The following ZNF385D variants were observed in gnomAD, a reference collection of about 807,000 sequenced individuals.
ZNF385D encodes zinc finger protein 385D, also known as zinc finger protein 659.
ZNF385D carries 15 observed loss-of-function variants against 35.8 expected under a neutral mutation model. The ratio of observed to expected loss-of-function variants is 0.42; its 90% CI spans 0.28 to 0.64. The LOEUF (loss-of-function observed/expected upper bound fraction) is 0.64. ZNF385D is among the 30% of genes least tolerant of loss of function. The probability of loss-of-function intolerance (pLI) is 0.23; values close to 1 mark genes in which losing one functional copy is unlikely to be tolerated. For missense variants in ZNF385D, 474 were observed against 494.6 expected (o/e 0.96, Z 0.39); for synonymous variants, 212 against 186.8 (o/e 1.13, Z -1.10).
intron 3 of ZNF385D, among the ~76,000 whole-genome samples, chr3:21,872,493 T>A (rs952973034): frequency 6.6e-6 from 1 of 152,184 alleles, no homozygotes; most frequent in Non-Finnish European, 1.5e-5. Flanking sequence ...GTTGGTCTTA[T>A]GTAATAACAA....
At chr3:22,080,282 G>T (rs567916227) in intron 3 of ZNF385D, among the ~76,000 whole-genome samples, 2 of 152,194 alleles carry the variant, frequency 1.3e-5, no homozygotes, top group South Asian at 2.1e-4. Flanking sequence ...TAATGATCTT[G>T]TGTCAGTCAC....
intron 2 of ZNF385D, among the ~76,000 whole-genome samples, chr3:21,638,873 C>T (rs1160713080): frequency 6.6e-6 from 1 of 152,044 alleles, no homozygotes; most frequent in African/African-American, 2.4e-5. Context: ...CATGTGAACC[C>T]TTTATCTAGA....
Position 21,722,077 on chromosome 3 carries a change from GAGACAGAGTGAGACTCTGTCTCA to G in ZNF385D, c.22+28795_22+28817del, listed in dbSNP as rs2068564517. ...ATCGTGCCACTGCACTCCAACTTTG[GAGACAGAGTGAGACTCTGTCTCA>G]AAAAAAAAAAAAAAAAAGAGGTATT... On this transcript the variant is annotated intron_variant, in intron 1 of 7. Transcript: ENST00000281523. Among the ~76,000 whole-genome samples the G allele has an allele frequency of 4.9e-5, 7 of 142,738 alleles. No homozygotes were observed. The Admixed American group carries it at 5.0e-4, about 10-fold the overall frequency. 93.6% of individuals were successfully genotyped at this position (142,738 alleles called of 152,430 possible). A position where few individuals can be genotyped will look rare whatever the true frequency, so the allele number is the denominator to read the frequency against.
At position 21,427,399 on chromosome 3, in the gene ZNF385D, A is replaced by G. The variant is rs182952301; in HGVS notation, c.674-1729T>C. ...ACTCTCATCCTGATTTTCTTGAGGC[A>G]TTCCAAATTCACTTTTGGTTAATAT... is the stretch of plus-strand genomic sequence containing the variant. On this transcript the variant is annotated intron_variant, in intron 5 of 7. Transcript: ENST00000281523. 7.5e-4 allele frequency among the ~76,000 whole-genome samples: 114 copies of G among 152,314 alleles called. 2 individuals are homozygous for G. The highest frequency in any genetic ancestry group is 2.5e-3 in the African/African-American group (104 of 41,576).
intron 2 of ZNF385D, among the ~76,000 whole-genome samples, chr3:21,627,243 T>C (rs2065158568): frequency 9.3e-6 from 1 of 107,702 alleles, no homozygotes; most frequent in African/African-American, 3.9e-5. Context: ...CAAAGAGGTG[T>C]AGGGTGTGTG....
At chr3:22,299,414 G>A (rs904389472) in intron 2 of ZNF385D, among the ~76,000 whole-genome samples, 6 of 151,532 alleles carry the variant, frequency 4.0e-5, no homozygotes, top group South Asian at 2.1e-4. Flanking sequence ...TATACTACAC[G>A]GGGGGAATGG....
intron 2 of ZNF385D, among the ~76,000 whole-genome samples, chr3:22,261,596 T>C (rs897753741): frequency 1.3e-5 from 2 of 151,986 alleles, no homozygotes; most frequent in African/African-American, 4.8e-5. Flanking sequence ...TATGGTCTTC[T>C]TCCAAAGCCT....
At position 22,282,219 on chromosome 3, in the gene ZNF385D, T is replaced by C. The variant is rs148464846; in HGVS notation, c.106+90231A>G. ...AGCTTTTTGTTTCATTTATCTGTTGTACTGTTTTAATTTCATTTAGTTCTG... is the reference window on the plus strand; with the variant it reads ...AGCTTTTTGTTTCATTTATCTGTTGCACTGTTTTAATTTCATTTAGTTCTG... On this transcript the variant is annotated intron_variant, in intron 2 of 5. Coordinates refer to the ZNF385D transcript ENST00000494108. Among the ~76,000 whole-genome samples the C allele has an allele frequency of 1.3e-3, 201 of 152,134 alleles. 1 individual carries two copies. The highest frequency in any genetic ancestry group is 4.4e-3 in the African/African-American group (182 of 41,556).
At chr3:21,692,808 A>G (rs1490578341) in intron 1 of ZNF385D, among the ~76,000 whole-genome samples, 1 of 152,196 alleles carries the variant, frequency 6.6e-6, no homozygotes, top group African/African-American at 2.4e-5. Flanking sequence ...TTTTCAGGCC[A>G]TCACAATTCC....
chr3:21,670,455 G>C (rs1158996106), intron 1 of ZNF385D, among the ~76,000 whole-genome samples: 1 of 151,636 alleles, frequency 6.6e-6, no homozygotes, highest in Non-Finnish European at 1.5e-5. Flanking sequence ...GACATACATG[G>C]AGAATTATTC....
At chr3:22,161,392 A>G (rs1345977607) in intron 3 of ZNF385D, among the ~76,000 whole-genome samples, 1 of 152,040 alleles carries the variant, frequency 6.6e-6, no homozygotes, top group Non-Finnish European at 1.5e-5. Flanking sequence ...ATATTAAACC[A>G]TTTTATAACA....
At chr3:22,114,886 C>G (rs7616867) in intron 3 of ZNF385D, among the ~76,000 whole-genome samples, 2,200 of 152,156 alleles carry the variant, frequency 0.014, 62 homozygotes, top group African/African-American at 0.05. Context: ...TACAGGGCAT[C>G]TGGCAGCCCT....
At position 22,327,058 on chromosome 3, in the gene ZNF385D, A is replaced by T. The variant is rs114743275; in HGVS notation, c.106+45392T>A. Among the ~76,000 whole-genome samples, 301 of 152,322 alleles carry T rather than the reference A, an allele frequency of 2.0e-3. 1 individual carries two copies. Among genetic ancestry groups the T allele is most frequent in the African/African-American group, 7.0e-3 (290 of 41,562 alleles). The stretch of plus-strand genomic sequence containing the variant: ...AAAGTGAAACCCAAATGACTTTGAA[A>T]TCTATTAAGTACCTTAAAAAAATGA... On this transcript the variant is annotated intron_variant, in intron 2 of 5. Transcript: ENST00000494108.
At chr3:21,989,546 A>G (rs913123344) in intron 3 of ZNF385D, among the ~76,000 whole-genome samples, 1 of 152,222 alleles carries the variant, frequency 6.6e-6, no homozygotes, top group Non-Finnish European at 1.5e-5. Flanking sequence ...CTTGGAACAA[A>G]TATTTGAATA....
chr3:22,204,489 A>C (rs1316485077), intron 2 of ZNF385D, among the ~76,000 whole-genome samples: 3 of 152,058 alleles, frequency 2.0e-5, no homozygotes, highest in African/African-American at 7.2e-5. Flanking sequence ...CATCGAGAAA[A>C]ACATGACCTC....
intron 3 of ZNF385D, among the ~76,000 whole-genome samples, chr3:21,929,630 TA>T (rs1254195095): frequency 6.6e-6 from 1 of 151,908 alleles, no homozygotes; most frequent in Non-Finnish European, 1.5e-5. Context: ...GATCAACATA[TA>T]AAAAATCAAT....
At chr3:22,042,807 A>G (rs1698746703) in intron 3 of ZNF385D, among the ~76,000 whole-genome samples, 2 of 152,222 alleles carry the variant, frequency 1.3e-5, no homozygotes, top group Admixed American at 1.3e-4. Context: ...GAATCAAAAC[A>G]AACTCTCATG....
intron 3 of ZNF385D, among the ~76,000 whole-genome samples, chr3:21,809,729 CATATATATATACACACAT>C (rs1279319924): frequency 2.2e-4 from 33 of 150,586 alleles, no homozygotes; most frequent in African/African-American, 7.8e-4. Context: ...TATACACACA[CATATATATATACACACAT>C]ACTGAAAAAT....
At chr3:22,004,531 A>G (rs1020264918) in intron 3 of ZNF385D, among the ~76,000 whole-genome samples, 2 of 152,220 alleles carry the variant, frequency 1.3e-5, no homozygotes, top group Non-Finnish European at 1.5e-5. Flanking sequence ...CAAATTATTC[A>G]TCTGACAAAA....
Sources: allele counts gnomAD v4.1 joint callset (sites outside exome capture counted in the v4.1 genomes callset), GRCh38; gene constraint gnomAD v4.1.1; transcripts MANE v1.5; gene names NCBI Gene and HGNC (gene_info 2026-07-23, HGNC 2026-07-21).